PLEKHA6: variants seen among roughly 807,000 people sequenced by gnomAD.
The protein encoded by PLEKHA6 is pleckstrin homology domain-containing family A member 6.
A neutral mutation model predicts 116.7 loss-of-function variants in PLEKHA6; 60 were observed. That is an observed-to-expected ratio of 0.51 (90% CI 0.42 to 0.64). The LOEUF (loss-of-function observed/expected upper bound fraction) is 0.64. Among genes scored for constraint, PLEKHA6 ranks in the 30% least tolerant of loss-of-function variants. The probability of loss-of-function intolerance (pLI) is 0.00; values close to 1 mark genes in which losing one functional copy is unlikely to be tolerated. For missense variants in PLEKHA6, 1,338 were observed against 1,422.7 expected, an observed-to-expected ratio of 0.94 and a Z score of 0.96; for synonymous variants, 489 against 556.1, an observed-to-expected ratio of 0.88 and a Z score of 1.70.
At chr1:204,372,359 G>A (rs1007625706) in intron 1 of PLEKHA6, among the ~76,000 whole-genome samples, 2 of 152,138 alleles carry the variant, frequency 1.3e-5, no homozygotes, top group Non-Finnish European at 2.9e-5. Flanking sequence ...GGCAGATGAA[G>A]CCATCATCAT....
chr1:204,360,428 G>C (rs1405417549), upstream of PLEKHA6, among the ~76,000 whole-genome samples: 3 of 151,312 alleles, frequency 2.0e-5, no homozygotes, highest in Non-Finnish European at 2.9e-5. Flanking sequence ...CATTTGGAGA[G>C]GGTTGGGGGC....
chr1:204,245,373 G>A (rs966508592), intron 14 of PLEKHA6, among the ~76,000 whole-genome samples: 4 of 152,060 alleles, frequency 2.6e-5, no homozygotes, highest in African/African-American at 4.8e-5. Context: ...GACCTTTTCT[G>A]GGGAGGACTT....
At chr1:204,352,750 C>T (rs1235630243) in intron 1 of PLEKHA6, among the ~76,000 whole-genome samples, 1 of 151,998 alleles carries the variant, frequency 6.6e-6, no homozygotes, top group Non-Finnish European at 1.5e-5. Flanking sequence ...TTTGGGAGGC[C>T]GAGGCAGGAG....
At chr1:204,317,795 T>C (rs1671915319) in intron 1 of PLEKHA6, among the ~76,000 whole-genome samples, 1 of 152,216 alleles carries the variant, frequency 6.6e-6, no homozygotes, top group Non-Finnish European at 1.5e-5. Context: ...TAAATATTAT[T>C]TTGGGATACT....
intron 18 of PLEKHA6, among the ~76,000 whole-genome samples, chr1:204,229,872 C>T (rs1660919608): frequency 6.6e-6 from 1 of 152,210 alleles, no homozygotes; most frequent in African/African-American, 2.4e-5. Context: ...CAGCTCTGTA[C>T]TTAATAGCTG....
rs1673853673 is a variant in PLEKHA6, at chr1:204,375,570, C to T, written c.83+2013G>A. Among the ~76,000 whole-genome samples, 3 of 152,108 alleles carry T rather than the reference C, an allele frequency of 2.0e-5. No individual in the cohort carries two copies. The South Asian group carries it at 6.2e-4, about 32-fold the overall frequency. Reference sequence around the variant, plus strand: ...GTCTCCTGGACTTTTGCAATTGTTTCCTAACTGCTTTCCATACCTTAAGTT... The same window carrying T: ...GTCTCCTGGACTTTTGCAATTGTTTTCTAACTGCTTTCCATACCTTAAGTT... On this transcript the variant is annotated intron_variant, in intron 1 of 4. Coordinates refer to the PLEKHA6 transcript ENST00000564627.
At chr1:204,311,931 C>A (rs1018159381) in intron 1 of PLEKHA6, among the ~76,000 whole-genome samples, 1 of 152,174 alleles carries the variant, frequency 6.6e-6, no homozygotes, top group Non-Finnish European at 1.5e-5. Context: ...CTTACCCTTC[C>A]TACTATAGGC....
intron 1 of PLEKHA6, among the ~76,000 whole-genome samples, chr1:204,297,426 A>T (rs1670389757): frequency 6.6e-6 from 1 of 152,208 alleles, no homozygotes; most frequent in South Asian, 2.1e-4. Flanking sequence ...GGGAGTTGAT[A>T]TCAGGCAGTC....
upstream of PLEKHA6, among the ~76,000 whole-genome samples, chr1:204,363,224 C>T (rs1673593664): frequency 1.3e-5 from 2 of 152,318 alleles, no homozygotes; most frequent in Admixed American, 1.3e-4. Flanking sequence ...CCAGCACAGC[C>T]TTGGAGGCTC....
At chr1:204,276,046 C>CT (rs952800549) in intron 1 of PLEKHA6, among the ~76,000 whole-genome samples, 1 of 152,198 alleles carries the variant, frequency 6.6e-6, no homozygotes, top group Non-Finnish European at 1.5e-5. Flanking sequence ...GGAAAATAAC[C>CT]TTTTGGGGGC....
chr1:204,349,416 C>G (rs921959477), intron 1 of PLEKHA6, among the ~76,000 whole-genome samples: 1 of 151,962 alleles, frequency 6.6e-6, no homozygotes, highest in African/African-American at 2.4e-5. Flanking sequence ...TGGTGTGTGC[C>G]TGTAATCCCA....
At chr1:204,296,863 T>C (rs994000085) in intron 1 of PLEKHA6, among the ~76,000 whole-genome samples, 1 of 152,168 alleles carries the variant, frequency 6.6e-6, no homozygotes, top group Admixed American at 6.5e-5. Context: ...GCCTCAGTAC[T>C]CTGTGTCTGC....
Position 204,277,426 on chromosome 1 carries a change from C to T in PLEKHA6, c.-94-2617G>A, listed in dbSNP as rs1235242603. On this transcript the variant is annotated intron_variant, in intron 1 of 22. Coordinates refer to ENST00000272203, the MANE Select transcript of PLEKHA6 (RefSeq NM_014935.5). The surrounding 1 kb of genome is among the most constrained non-coding windows in gnomAD (Gnocchi z 4.1). ...GCAGGTGTAGCACTCCCAGGTAGTCCGACCTCAGTGAGCTAAGGACGCAGA... is the reference window on the plus strand; with the variant it reads ...GCAGGTGTAGCACTCCCAGGTAGTCTGACCTCAGTGAGCTAAGGACGCAGA... Among the ~76,000 whole-genome samples the T allele has an allele frequency of 2.6e-5, 4 of 152,068 alleles. No homozygotes were observed. Among genetic ancestry groups the T allele is most frequent in the Admixed American group, 6.5e-5 (1 of 15,278 alleles).
At position 204,277,155 on chromosome 1, in the gene PLEKHA6, T is replaced by C. The variant is rs1668103794; in HGVS notation, c.-94-2346A>G. 6.6e-6 allele frequency: 1 copy of C among 152,606 alleles called. No individual in the cohort carries two copies. Among genetic ancestry groups the C allele is most frequent in the East Asian group, 1.9e-4 (1 of 5,194 alleles). 9.5% of individuals were successfully genotyped at this position (152,606 alleles called of 1,614,324 possible). A position where few individuals can be genotyped will look rare whatever the true frequency, so the allele number is the denominator to read the frequency against. Reference sequence around the variant, plus strand: ...AGGCTGTGGCAGAGATGCAGAGTGATTGGTGGCAGAGTCTCTAGCAGTTCT... The same window carrying C: ...AGGCTGTGGCAGAGATGCAGAGTGACTGGTGGCAGAGTCTCTAGCAGTTCT... On this transcript the variant is annotated intron_variant, in intron 1 of 22. Transcript: ENST00000272203. This position sits in a 1 kb window ranked among gnomAD's most constrained non-coding sequence, Gnocchi z 4.1.
In PLEKHA6 at chr1:204,312,659, C is replaced by A. The variant is rs147186339; in HGVS notation, c.-94-37850G>T. Among the ~76,000 whole-genome samples, 734 of 152,274 alleles carry A rather than the reference C, an allele frequency of 4.8e-3. 10 individuals are homozygous for A. In the Middle Eastern group the frequency reaches 0.058, roughly 12 times the overall value. On this transcript the variant is annotated intron_variant, in intron 1 of 22. Coordinates refer to ENST00000272203, the MANE Select transcript of PLEKHA6 (RefSeq NM_014935.5). ...CTCACCCAGGAGAGGACCACAGGACCTCTTTACCCATATCCCAACAATCCC... is the reference window on the plus strand; with the variant it reads ...CTCACCCAGGAGAGGACCACAGGACATCTTTACCCATATCCCAACAATCCC...
rs1301505448 is a variant in PLEKHA6, at chr1:204,244,970, T to C, written c.2066A>G (p.Asn689Ser). Residue 689 changes from asparagine to serine, a missense_variant, in exon 15 of 23, where the codon AAC becomes AGC. This residue lies in a region of PLEKHA6 where 1,136 missense variants were observed against 1,163.6 expected (regional missense o/e 0.98). Coordinates refer to ENST00000272203, the MANE Select transcript of PLEKHA6 (RefSeq NM_014935.5). ...GLGPSATYSS[N>S]SPASPLSSAS... is the part of the protein sequence containing the mutation. ...AGAGCTGAGGGGGCTGGCCGGGCTGTTGGAGCTGTAGGTGGCTGAGGGGCC... is the reference window on the plus strand; with the variant it reads ...AGAGCTGAGGGGGCTGGCCGGGCTGCTGGAGCTGTAGGTGGCTGAGGGGCC... 6.8e-7 allele frequency: 1 copy of C among 1,462,104 alleles called. No homozygotes were observed. The highest frequency in any genetic ancestry group is 2.7e-5 in the East Asian group (1 of 36,492). The allele number at this position is 1,462,104 out of a possible 1,614,324, so 90.6% of individuals were successfully genotyped here. A position where few individuals can be genotyped will look rare whatever the true frequency, so the allele number is the denominator to read the frequency against.
At chr1:204,330,322 AAATATT>A (rs1166080410) in intron 1 of PLEKHA6, among the ~76,000 whole-genome samples, 1 of 152,188 alleles carries the variant, frequency 6.6e-6, no homozygotes, top group East Asian at 1.9e-4. Flanking sequence ...TTTAGAGATG[AAATATT>A]CAGCTGTCTA....
chr1:204,332,511 A>G (rs1410170827), intron 1 of PLEKHA6, among the ~76,000 whole-genome samples: 2 of 152,154 alleles, frequency 1.3e-5, no homozygotes, highest in East Asian at 3.9e-4. Context: ...CCTCCTGAGT[A>G]TTTGGAATTA....
chr1:204,287,653 C>T (rs1402940273), intron 1 of PLEKHA6, among the ~76,000 whole-genome samples: 1 of 152,154 alleles, frequency 6.6e-6, no homozygotes. Context: ...ACCAGGAGCA[C>T]AGCCATGCCA....
Sources: gnomAD v4.1 joint callset for allele counts (sites outside exome capture counted in the v4.1 genomes callset) on GRCh38, gnomAD v4.1.1 for gene constraint, gnomAD v4.1.1 regional missense constraint, Gnocchi (gnomAD v3.1) non-coding constraint, MANE v1.5 for transcripts, NCBI Gene and HGNC (gene_info 2026-07-23, HGNC 2026-07-21) for gene names.